Variants in POU6F2 observed in about 807,000 individuals in gnomAD.
POU6F2 encodes POU domain, class 6, transcription factor 2.
A neutral mutation model predicts 71.3 loss-of-function variants in POU6F2; 31 were observed. The ratio of observed to expected loss-of-function variants is 0.43; its 90% CI spans 0.33 to 0.59. The LOEUF (loss-of-function observed/expected upper bound fraction) is 0.59. POU6F2 is among the 20% of genes least tolerant of loss of function. The pLI is 0.04. For missense variants in POU6F2, 783 were observed against 856.8 expected (o/e 0.91, Z 1.07); for synonymous variants, 347 against 355.7 (o/e 0.98, Z 0.27).
chr7:39,007,542 A>G (rs1466503366), intron 1 of POU6F2, among the ~76,000 whole-genome samples: 1 of 152,090 alleles, frequency 6.6e-6, no homozygotes, highest in Non-Finnish European at 1.5e-5. Context: ...TTTTCTTATT[A>G]TACTTTAAGT....
chr7:38,991,374 C>T (rs1192151305), intron 1 of POU6F2, among the ~76,000 whole-genome samples: 1 of 152,098 alleles, frequency 6.6e-6, no homozygotes, highest in African/African-American at 2.4e-5. Flanking sequence ...GGCTTTAGAC[C>T]TGCAACCAAA....
At chr7:39,111,093 T>C (rs899832067) in intron 2 of POU6F2, among the ~76,000 whole-genome samples, 27 of 152,342 alleles carry the variant, frequency 1.8e-4, no homozygotes, top group East Asian at 1.4e-3. Context: ...TATATATGTA[T>C]ACTTTTGTCC....
At chr7:39,101,982 C>A (rs188570600) in intron 2 of POU6F2, among the ~76,000 whole-genome samples, 2 of 152,136 alleles carry the variant, frequency 1.3e-5, no homozygotes, top group South Asian at 2.1e-4. Flanking sequence ...TTTACACTAT[C>A]TTTTGGAAGG....
intron 5 of POU6F2, among the ~76,000 whole-genome samples, chr7:39,360,365 G>A (rs1015816371): frequency 2.0e-5 from 3 of 152,152 alleles, no homozygotes; most frequent in African/African-American, 4.8e-5. Context: ...GGAGAGAGAC[G>A]AGATACAAGC....
At chr7:39,153,454 C>T (rs1047720210) in intron 2 of POU6F2, among the ~76,000 whole-genome samples, 8 of 151,722 alleles carry the variant, frequency 5.3e-5, no homozygotes, top group African/African-American at 2.4e-5. Flanking sequence ...AAAATGGGGT[C>T]GAGAGCATGA....
At position 39,102,623 on chromosome 7, in the gene POU6F2, A is replaced by AAT. The variant is rs749207949; in HGVS notation, c.277+16605_277+16606dup. On this transcript the variant is annotated intron_variant, in intron 2 of 9. Coordinates refer to ENST00000518318, the MANE Select transcript of POU6F2 (RefSeq NM_001370959.1). ...ACTATCCTATCTAGGGACAGAGGTA[A>AAT]ATATATATATATATGTTTATATATG... Among the ~76,000 whole-genome samples, 25 of 151,436 alleles carry AAT rather than the reference A, an allele frequency of 1.7e-4. 1 individual carries two copies. Among genetic ancestry groups the AAT allele is most frequent in the African/African-American group, 3.1e-4 (13 of 41,362 alleles).
At chr7:39,268,889 A>T (rs138658211) in intron 4 of POU6F2, among the ~76,000 whole-genome samples, 1 of 152,178 alleles carries the variant, frequency 6.6e-6, no homozygotes, top group Non-Finnish European at 1.5e-5. Context: ...CTCCACTTCA[A>T]GTGTTGCCGG....
intron 4 of POU6F2, among the ~76,000 whole-genome samples, chr7:39,304,837 A>G (rs908730977): frequency 3.3e-5 from 5 of 152,226 alleles, no homozygotes; most frequent in Non-Finnish European, 5.9e-5. Flanking sequence ...AAGTAAGCCT[A>G]AGGCTAAAAG....
intron 1 of POU6F2, among the ~76,000 whole-genome samples, chr7:38,981,862 A>T (rs1788324243): frequency 1.3e-5 from 2 of 152,244 alleles, no homozygotes; most frequent in South Asian, 4.1e-4. Context: ...ATTTGGCTTA[A>T]CAGTATCTCC....
At chr7:38,999,593 C>T (rs1453897754) in intron 1 of POU6F2, among the ~76,000 whole-genome samples, 1 of 152,152 alleles carries the variant, frequency 6.6e-6, no homozygotes, top group Non-Finnish European at 1.5e-5. Context: ...TAAGCCCTTG[C>T]TAGCCATCCT....
rs1166811956 is a variant in POU6F2 at position 39,412,778 on chromosome 7, C to CT, written c.1113+6079dup. Among the ~76,000 whole-genome samples the CT allele has an allele frequency of 2.6e-4, 6 of 23,190 alleles. 2 individuals carry two copies. The highest frequency in any genetic ancestry group is 2.3e-3 in the East Asian group (2 of 858). 15.2% of individuals were successfully genotyped at this position (23,190 alleles called of 152,430 possible). A position where few individuals can be genotyped will look rare whatever the true frequency, so the allele number is the denominator to read the frequency against. ...TCCGTATTAGCTTCAGTTTTCTTGC[C>CT]TTTTTTTTTTTTTTTTTTTTTTTTT... On this transcript the variant is annotated intron_variant, in intron 6 of 9. Transcript: ENST00000518318.
intron 6 of POU6F2, among the ~76,000 whole-genome samples, chr7:39,411,592 G>C (rs1010602719): frequency 7.2e-5 from 11 of 152,140 alleles, no homozygotes; most frequent in Non-Finnish European, 1.5e-4. Context: ...GAAAAGTAAA[G>C]AGACTTACCT....
intron 1 of POU6F2, among the ~76,000 whole-genome samples, chr7:38,996,901 A>G (rs1031666556): frequency 6.6e-6 from 1 of 152,138 alleles, no homozygotes; most frequent in African/African-American, 2.4e-5. Flanking sequence ...AGCACATGGA[A>G]TCTACCTGGG....
rs574180818 is a variant in POU6F2 at position 39,072,139 on chromosome 7, A to G, written c.106-13721A>G. Among the ~76,000 whole-genome samples, 15 of 152,248 alleles carry G rather than the reference A, an allele frequency of 9.9e-5. No homozygotes were observed. The East Asian group carries it at 2.9e-3, about 29-fold the overall frequency. On this transcript the variant is annotated intron_variant, in intron 1 of 9. Coordinates refer to ENST00000518318, the MANE Select transcript of POU6F2 (RefSeq NM_001370959.1). ...AGAACCCAGCAATATTTCATCTCTC[A>G]TTTGTGTTGTGGGGAAACAGAAAAC...
At chr7:39,311,777 G>A (rs1785170815) in intron 4 of POU6F2, among the ~76,000 whole-genome samples, 4 of 152,148 alleles carry the variant, frequency 2.6e-5, no homozygotes, top group African/African-American at 7.2e-5. Flanking sequence ...AAGGGACAAA[G>A]TATGCAAAGG....
chr7:39,163,123 T>A (rs1391459313), intron 2 of POU6F2, among the ~76,000 whole-genome samples: 2 of 152,216 alleles, frequency 1.3e-5, no homozygotes, highest in Non-Finnish European at 2.9e-5. Flanking sequence ...GAGTATATGA[T>A]CAGCTAGAAT....
chr7:39,325,068 T>C (rs1466371142), intron 4 of POU6F2, among the ~76,000 whole-genome samples: 1 of 152,176 alleles, frequency 6.6e-6, no homozygotes, highest in Non-Finnish European at 1.5e-5. Flanking sequence ...ATTTATGATA[T>C]GAGTAACTTT....
chr7:39,196,043 G>T (rs1021479930), intron 2 of POU6F2, among the ~76,000 whole-genome samples: 7 of 152,126 alleles, frequency 4.6e-5, no homozygotes, highest in African/African-American at 1.4e-4. Flanking sequence ...TTTTACTATA[G>T]GTAGGTAAAC....
At chr7:39,270,537 C>A (rs1221956027) in intron 4 of POU6F2, among the ~76,000 whole-genome samples, 1 of 152,150 alleles carries the variant, frequency 6.6e-6, no homozygotes, top group Non-Finnish European at 1.5e-5. Context: ...AGTCTCTTCG[C>A]TTCTCTTCTC....
Sources: allele counts gnomAD v4.1 joint callset (sites outside exome capture counted in the v4.1 genomes callset), GRCh38; gene constraint gnomAD v4.1.1; transcripts MANE v1.5; gene names NCBI Gene and HGNC (gene_info 2026-07-23, HGNC 2026-07-21).